Variants in PPM1L observed in about 807,000 individuals in gnomAD.
PPM1L encodes protein phosphatase, Mg2+/Mn2+ dependent 1L.
Under a neutral mutation model 31.4 loss-of-function variants are expected in PPM1L, and 13 were observed. The ratio of observed to expected loss-of-function variants is 0.41; its 90% CI spans 0.27 to 0.66. The LOEUF (loss-of-function observed/expected upper bound fraction) is 0.66. Ranked by LOEUF, PPM1L falls within the 30% of genes least tolerant of loss-of-function variation. The pLI is 0.29. For missense variants in PPM1L, 326 were observed against 453.7 expected, an observed-to-expected ratio of 0.72 and a Z score of 2.56; for synonymous variants, 184 against 175.4, an observed-to-expected ratio of 1.05 and a Z score of -0.39.
At chr3:160,783,600 C>CAAAAAAAAAAAAAAAAAAA in intron 1 of PPM1L, among the ~76,000 whole-genome samples, 1 of 110,790 alleles carries the variant, frequency 9.0e-6, no homozygotes, top group Non-Finnish European at 2.0e-5. Context: ...AACTCCATCT[C>CAAAAAAAAAAAAAAAAAAA]AAAAAAAAAA....
chr3:160,981,823 C>G (rs1716812069), intron 2 of PPM1L, among the ~76,000 whole-genome samples: 1 of 151,550 alleles, frequency 6.6e-6, no homozygotes, highest in Non-Finnish European at 1.5e-5. Context: ...AGTACAATGG[C>G]AGGATCTCAG....
intron 1 of PPM1L, among the ~76,000 whole-genome samples, chr3:160,908,118 A>C (rs1357641216): frequency 6.6e-6 from 1 of 152,196 alleles, no homozygotes; most frequent in African/African-American, 2.4e-5. Flanking sequence ...GCCTATTTGA[A>C]TGTATCCACT....
chr3:160,938,298 A>G (rs1559894499), intron 1 of PPM1L, among the ~76,000 whole-genome samples: 1 of 152,232 alleles, frequency 6.6e-6, no homozygotes, highest in Non-Finnish European at 1.5e-5. Flanking sequence ...ACCAAAGCTA[A>G]GGTAGAGGTG....
intron 1 of PPM1L, among the ~76,000 whole-genome samples, chr3:160,908,106 T>G (rs1437575741): frequency 6.6e-6 from 1 of 152,224 alleles, no homozygotes; most frequent in African/African-American, 2.4e-5. Flanking sequence ...GTTTGGCTAT[T>G]AGCCTATTTG....
intron 2 of PPM1L, among the ~76,000 whole-genome samples, chr3:161,024,361 C>T (rs1355491389): frequency 6.6e-6 from 1 of 151,756 alleles, no homozygotes; most frequent in South Asian, 2.1e-4. Context: ...TTAACCAATA[C>T]CCTGGGGATA....
At chr3:160,912,821 G>A (rs1714021400) in intron 1 of PPM1L, among the ~76,000 whole-genome samples, 1 of 152,154 alleles carries the variant, frequency 6.6e-6, no homozygotes, top group South Asian at 2.1e-4. Context: ...AAAAATAAAT[G>A]ATCCCTTCCC....
intron 2 of PPM1L, among the ~76,000 whole-genome samples, chr3:161,020,869 T>A (rs1405125526): frequency 6.6e-6 from 1 of 152,126 alleles, no homozygotes; most frequent in East Asian, 1.9e-4. Flanking sequence ...TAGTATTTTC[T>A]TATTATCCTT....
intron 2 of PPM1L, among the ~76,000 whole-genome samples, chr3:161,040,666 T>C (rs1718882284): frequency 6.6e-6 from 1 of 152,210 alleles, no homozygotes; most frequent in African/African-American, 2.4e-5. Context: ...GGGAATTTGC[T>C]TCTTTTCTAT....
At chr3:161,007,994 A>G (rs1015201910) in intron 2 of PPM1L, among the ~76,000 whole-genome samples, 6 of 152,166 alleles carry the variant, frequency 3.9e-5, no homozygotes, top group Admixed American at 1.3e-4. Context: ...GCAAACATCT[A>G]TCTCTATCTG....
At chr3:161,062,874 C>T (rs748873926) in intron 2 of PPM1L, among the ~76,000 whole-genome samples, 2 of 152,084 alleles carry the variant, frequency 1.3e-5, no homozygotes, top group Non-Finnish European at 1.5e-5. Flanking sequence ...CAAATGGAAA[C>T]GCCTACTAGG....
chr3:160,937,470 A>C (rs1715009061), intron 1 of PPM1L, among the ~76,000 whole-genome samples: 2 of 152,132 alleles, frequency 1.3e-5, no homozygotes, highest in African/African-American at 4.8e-5. Flanking sequence ...AATACAAAAA[A>C]TTAGCCAGAC....
chr3:160,982,322 G>A (rs934704229), intron 2 of PPM1L, among the ~76,000 whole-genome samples: 19 of 151,926 alleles, frequency 1.3e-4, no homozygotes, highest in African/African-American at 3.9e-4. Context: ...TGGGCATCTC[G>A]ACAGCTTTGA....
chr3:160,961,700 A>G, intron 1 of PPM1L, 36 bp from the exon 2 acceptor site: 1 of 1,544,314 alleles, frequency 6.5e-7, no homozygotes, highest in Non-Finnish European at 8.7e-7. Flanking sequence ...GAGAATTTCT[A>G]ATGGAGTTCT....
intron 1 of PPM1L, among the ~76,000 whole-genome samples, chr3:160,764,463 CT>C (rs1715053190): frequency 2.5e-5 from 1 of 39,934 alleles, no homozygotes; most frequent in Non-Finnish European, 4.0e-5. Context: ...AATTCTCCCT[CT>C]CTCTCTCTCT....
chr3:160,855,801 G>T (rs1711681998), intron 1 of PPM1L, among the ~76,000 whole-genome samples: 1 of 152,148 alleles, frequency 6.6e-6, no homozygotes, highest in Non-Finnish European at 1.5e-5. Flanking sequence ...AAACAATTTG[G>T]TGATTTCTCA....
In PPM1L at chr3:161,047,012, C is replaced by G. The variant is rs557206252; in HGVS notation, c.575-18391C>G. ...TGAATGGGCAAAATCTGGAGGCATT[C>G]CCTTTGAAAACTGGCACAAGACAGG... is the stretch of plus-strand genomic sequence containing the variant. On this transcript the variant is annotated intron_variant, in intron 2 of 3. Coordinates refer to ENST00000498165, the MANE Select transcript of PPM1L (RefSeq NM_139245.4). Among the ~76,000 whole-genome samples, 4 of 152,242 alleles carry G rather than the reference C, an allele frequency of 2.6e-5. No individual in the cohort carries two copies. The East Asian group carries it at 5.8e-4, about 22-fold the overall frequency.
intron 2 of PPM1L, among the ~76,000 whole-genome samples, chr3:161,013,932 G>A (rs1032938210): frequency 1.3e-5 from 2 of 152,040 alleles, no homozygotes; most frequent in Admixed American, 6.6e-5. Context: ...ACATGAAATG[G>A]GTCTCCTGAA....
At chr3:160,769,149 T>A (rs1321739762) in intron 1 of PPM1L, among the ~76,000 whole-genome samples, 1 of 152,188 alleles carries the variant, frequency 6.6e-6, no homozygotes, top group Non-Finnish European at 1.5e-5. Context: ...TCATTCTGGG[T>A]CTGAGGAGGA....
At chr3:160,934,685 G>T (rs1047016417) in intron 1 of PPM1L, among the ~76,000 whole-genome samples, 10 of 152,050 alleles carry the variant, frequency 6.6e-5, no homozygotes, top group African/African-American at 2.4e-4. Context: ...GGGTGCAGTG[G>T]CTCACACCTG....
Sources: allele counts gnomAD v4.1 joint callset (sites outside exome capture counted in the v4.1 genomes callset), GRCh38; gene constraint gnomAD v4.1.1; transcripts MANE v1.5; gene names NCBI Gene and HGNC (gene_info 2026-07-23, HGNC 2026-07-21).